Variants in ALG13 observed in about 807,000 individuals in gnomAD.
ALG13 encodes ALG13 UDP-N-acetylglucosaminyltransferase subunit.
ALG13 carries 11 observed loss-of-function variants against 87.8 expected under a neutral mutation model. That is an observed-to-expected ratio of 0.13 (90% CI 0.08 to 0.21). The LOEUF (loss-of-function observed/expected upper bound fraction) is 0.21, where lower values mean the gene tolerates loss of function less well. Ranked by LOEUF, ALG13 falls within the 10% of genes least tolerant of loss-of-function variation. ALG13 has a pLI of 1.00. For synonymous variants in ALG13, 320 were observed against 306.3 expected (o/e 1.04, Z -0.47); for missense variants, 756 against 866.1 (o/e 0.87, Z 1.60).
intron 3 of ALG13, among the ~76,000 whole-genome samples, chrX:111,698,288 A>G (rs1223362738): frequency 8.9e-6 from 1 of 111,930 alleles, no homozygotes; most frequent in African/African-American, 3.2e-5. Flanking sequence ...GGTACAATGT[A>G]ATGTTTTGCT....
chrX:111,749,097 C>CA lies in ALG13; in HGVS notation c.2933-3685dup, dbSNP rs949398264. Among the ~76,000 whole-genome samples the CA allele has an allele frequency of 4.7e-4, 52 of 110,506 alleles. 1 individual carries two copies. The highest frequency in any genetic ancestry group is 4.7e-3 in the Middle Eastern group (1 of 214). On this transcript the variant is annotated intron_variant, in intron 24 of 26. Coordinates refer to ENST00000394780, the MANE Select transcript of ALG13 (RefSeq NM_001099922.3). The stretch of plus-strand genomic sequence containing the variant: ...GAAACTCTGACTTAATTTAAAAAAA[C>CA]AAAAAAAACAACAAAAAACCTTGGC...
In ALG13 at chrX:111,750,656, C is replaced by CTTAT. The variant is rs767738920; in HGVS notation, c.2933-2107_2933-2104dup. Among the ~76,000 whole-genome samples, 585 of 108,814 alleles carry CTTAT rather than the reference C, an allele frequency of 5.4e-3. 5 individuals are homozygous for CTTAT. The highest frequency in any genetic ancestry group is 0.014 in the East Asian group (50 of 3,488). The allele number at this position is 108,814 out of a possible 115,157, so 94.5% of individuals were successfully genotyped here. Reference sequence around the variant, plus strand: ...TATTGTTTGTTTGTTTGTTTATTTACTTATTTATTTATTTATTTATTTATT... The same window carrying CTTAT: ...TATTGTTTGTTTGTTTGTTTATTTACTTATTTATTTATTTATTTATTTATTTATT... On this transcript the variant is annotated intron_variant, in intron 24 of 26. Transcript: ENST00000394780.
intron 5 of ALG13, among the ~76,000 whole-genome samples, chrX:111,710,248 G>A (rs984930640): frequency 7.2e-5 from 8 of 110,612 alleles, no homozygotes; most frequent in Non-Finnish European, 1.5e-4. Context: ...GCCCAGACTG[G>A]TCTCAGACTC....
chrX:111,685,904 A>G (rs1340732153), intron 3 of ALG13, among the ~76,000 whole-genome samples: 1 of 112,087 alleles, frequency 8.9e-6, no homozygotes, highest in African/African-American at 3.2e-5. Flanking sequence ...CAGAGGGAAG[A>G]TTAGTGTTGC....
intron 10 of ALG13, among the ~76,000 whole-genome samples, chrX:111,718,893 A>G (rs185307361): frequency 2.1e-4 from 23 of 111,424 alleles, no homozygotes; most frequent in African/African-American, 3.3e-4. Context: ...AATAAAGTAC[A>G]TGTCTTATAT....
chrX:111,689,691 A>G lies in ALG13; in HGVS notation c.383+4588A>G, dbSNP rs950486954. 15 of 709,866 alleles carry G rather than the reference A, an allele frequency of 2.1e-5. 1 individual carries two copies. In the Admixed American group the frequency reaches 7.1e-4, roughly 33 times the overall value. 58.5% of individuals were successfully genotyped at this position (709,866 alleles called of 1,213,427 possible). On this transcript the variant is annotated intron_variant, in intron 3 of 26. Transcript: ENST00000394780. ...TCCAATTCCATCATATTCAGATTTT[A>G]CCATTTGCTTAAAGTATAGCTTTTG...
chrX:111,721,740 A>T, intron 12 of ALG13, 29 bp downstream of exon 12: 1 of 991,045 alleles, frequency 1.0e-6, no homozygotes, highest in Non-Finnish European at 1.4e-6. Context: ...GATACTTTTG[A>T]ATCCTGACAA....
chrX:111,744,681 A>G lies in ALG13; in HGVS notation c.2709A>G (p.Pro903=). ...PTHGRPVIAS[P]SYPCHSAIPH... ...TTTCTTTGTTAGTGATTGCCTCACC[A>G]TCCTATCCATGCCATTCTGCTATTC... Residue 903 remains proline, a synonymous_variant, in exon 24 of 27, where the codon CCA becomes CCG. Coordinates refer to ENST00000394780, the MANE Select transcript of ALG13 (RefSeq NM_001099922.3). The G allele has an allele frequency of 8.4e-7, 1 of 1,185,636 alleles. No homozygotes were observed.
chrX:111,710,757 C>T (rs986434315), intron 5 of ALG13, among the ~76,000 whole-genome samples: 14 of 112,004 alleles, frequency 1.2e-4, no homozygotes, highest in Non-Finnish European at 2.3e-4. Context: ...AGTGCAGTGG[C>T]ACGATCTCGG....
Position 111,708,165 on chromosome X carries a change from T to A in ALG13, c.522T>A (p.Leu174=). 8.3e-7 allele frequency: 1 copy of A among 1,211,885 alleles called. No homozygotes were observed. Among genetic ancestry groups the A allele is most frequent in the Admixed American group, 2.2e-5 (1 of 46,051 alleles). The change falls in exon 4 of 27, where the codon CTT becomes CTA. Residue 174 remains leucine, a synonymous_variant. Coordinates refer to ENST00000394780, the MANE Select transcript of ALG13 (RefSeq NM_001099922.3). ...CCGGATACCTGCATAAGCAAGCCCTTGTTACTGCTACCCATCCTACCTGCA... is the reference window on the plus strand; with the variant it reads ...CCGGATACCTGCATAAGCAAGCCCTAGTTACTGCTACCCATCCTACCTGCA... ...LLSGYLHKQA[L]VTATHPTCTL...
At chrX:111,726,232 G>GTTTT (rs1213050998) in intron 15 of ALG13, among the ~76,000 whole-genome samples, 47 of 60,185 alleles carry the variant, frequency 7.8e-4, no homozygotes, top group African/African-American at 2.4e-3. Context: ...GGCGTGTTTT[G>GTTTT]TTTTTTTTTT....
intron 22 of ALG13, among the ~76,000 whole-genome samples, chrX:111,736,008 AAG>A (rs1268063925): frequency 1.8e-5 from 2 of 111,779 alleles, no homozygotes; most frequent in African/African-American, 6.5e-5. Context: ...CTCTTTAAAA[AAG>A]AGAAAAGTGT....
chrX:111,713,167 C>T, intron 7 of ALG13, 58 bp from the exon 8 acceptor site: 1 of 754,925 alleles, frequency 1.3e-6, no homozygotes. Flanking sequence ...GTTCCTATAA[C>T]TATCTCTTAC....
intron 3 of ALG13, among the ~76,000 whole-genome samples, chrX:111,701,943 A>G (rs1187512914): frequency 9.0e-6 from 1 of 111,058 alleles, no homozygotes; most frequent in African/African-American, 3.3e-5. Context: ...GTTCAGAAGC[A>G]TTTTGTCTAA....
intron 8 of ALG13, among the ~76,000 whole-genome samples, chrX:111,716,521 G>A (rs1245535808): frequency 8.9e-6 from 1 of 112,320 alleles, no homozygotes; most frequent in East Asian, 2.8e-4. Context: ...GGATTTCTCT[G>A]CTCAAAATCT....
At chrX:111,722,390 C>G (rs1443640310) in intron 12 of ALG13, among the ~76,000 whole-genome samples, 1 of 111,810 alleles carries the variant, frequency 8.9e-6, no homozygotes, top group East Asian at 2.8e-4. Context: ...TCACATTCAA[C>G]TCCTTGAACC....
intron 10 of ALG13, among the ~76,000 whole-genome samples, chrX:111,719,082 A>C (rs896162520): frequency 1.0e-5 from 1 of 97,601 alleles, no homozygotes; most frequent in African/African-American, 4.0e-5. Context: ...GCTGGAGTGC[A>C]GTAGCGCGAT....
At chrX:111,695,582 A>G (rs1380082874) in intron 3 of ALG13, among the ~76,000 whole-genome samples, 1 of 111,310 alleles carries the variant, frequency 9.0e-6, no homozygotes, top group Non-Finnish European at 1.9e-5. Context: ...ATTTTAAAGC[A>G]AAGTAATATT....
chrX:111,690,535 A>G (rs887379434), intron 3 of ALG13: 44 of 274,378 alleles, frequency 1.6e-4, no homozygotes, highest in Non-Finnish European at 1.4e-4. Flanking sequence ...GTTCTGGAAC[A>G]TTTAAAAGTA....
Sources: gnomAD v4.1 joint callset for allele counts (sites outside exome capture counted in the v4.1 genomes callset) on GRCh38, gnomAD v4.1.1 for gene constraint, MANE v1.5 for transcripts, NCBI Gene and HGNC (gene_info 2026-07-23, HGNC 2026-07-21) for gene names.